Variants in ORC2 observed in about 807,000 individuals in gnomAD.
ORC2 encodes the protein origin recognition complex subunit 2.
A neutral mutation model predicts 77.7 loss-of-function variants in ORC2; 37 were observed. The ratio of observed to expected loss-of-function variants is 0.48; its 90% confidence interval spans 0.37 to 0.63. ORC2 has a LOEUF of 0.63. Among genes scored for constraint, ORC2 ranks in the 20% least tolerant of loss-of-function variants. The pLI is 0.00. For synonymous variants in ORC2, 201 were observed against 229.5 expected (o/e 0.88, Z 1.12); for missense variants, 557 against 661.9 (o/e 0.84, Z 1.74).
intron 11 of ORC2, among the ~76,000 whole-genome samples, chr2:200,929,620 T>G (rs1326857172): frequency 4.0e-5 from 6 of 151,508 alleles, no homozygotes; most frequent in Non-Finnish European, 7.4e-5. Flanking sequence ...TGAGACCTCA[T>G]CTCTACACAA....
intron 4 of ORC2, among the ~76,000 whole-genome samples, chr2:200,952,702 C>G (rs929473065): frequency 3.3e-5 from 5 of 151,752 alleles, no homozygotes; most frequent in Admixed American, 6.6e-5. Flanking sequence ...AACATGAAAG[C>G]CTACTACACT....
At chr2:200,942,397 TAA>T (rs2041171036) in intron 6 of ORC2, among the ~76,000 whole-genome samples, 1 of 152,222 alleles carries the variant, frequency 6.6e-6, no homozygotes, top group Non-Finnish European at 1.5e-5. Context: ...AAATCTTCTA[TAA>T]ATAATTGGCT....
chr2:200,963,248 C>A, intron 1 of ORC2: 1 of 394,374 alleles, frequency 2.5e-6, no homozygotes, highest in East Asian at 3.6e-5. Flanking sequence ...TGGCCTGCGC[C>A]TCCAGCCTCT....
chr2:200,957,957 A>T, intron 3 of ORC2, 73 bp downstream of exon 3: 1 of 962,648 alleles, frequency 1.0e-6, no homozygotes, highest in Non-Finnish European at 1.6e-6. Context: ...AGAAAATGTT[A>T]AAAGTTTTAA....
chr2:200,936,110 C>T (rs1170057072), intron 8 of ORC2, among the ~76,000 whole-genome samples: 2 of 152,216 alleles, frequency 1.3e-5, no homozygotes, highest in African/African-American at 2.4e-5. Flanking sequence ...AGGAAGATTA[C>T]ATTGAAATGT....
In ORC2 at chr2:200,927,621, C is replaced by A. The variant is rs926325684; in HGVS notation, c.918-721G>T. 3.4e-5 allele frequency among the ~76,000 whole-genome samples: 5 copies of A among 147,012 alleles called. No individual in the cohort carries two copies. In the East Asian group the frequency reaches 8.9e-4, roughly 26 times the overall value. ...AGGAGAATGGCGTGAACACGGAAGG[C>A]GGAGCTTGCAGTGAGCCGAGATCCC... On this transcript the variant is annotated intron_variant, in intron 11 of 17. Transcript: ENST00000234296.
At chr2:200,942,072 C>T (rs564094824) in intron 6 of ORC2, among the ~76,000 whole-genome samples, 4 of 151,594 alleles carry the variant, frequency 2.6e-5, no homozygotes, top group Admixed American at 2.0e-4. Flanking sequence ...CCCTGTTACA[C>T]GAGAGGCTGA....
At position 200,926,789 on chromosome 2, in the gene ORC2, A is replaced by G. The variant is rs972843732; in HGVS notation, c.1029T>C (p.Phe343=). 2 of 1,614,016 alleles carry G rather than the reference A, an allele frequency of 1.2e-6. No individual in the cohort carries two copies. Among genetic ancestry groups the G allele is most frequent in the Non-Finnish European group, 1.7e-6 (2 of 1,179,940 alleles). ...DSIHVVINGF[F]PGISVKSVLN... ...TTACTGATTTCACACTGATTCCAGG[A>G]AAGAAGCCATTGATGACAACGTGAA... The change falls in exon 12 of 18, where the codon TTT becomes TTC. Residue 343 remains phenylalanine, a synonymous_variant. Coordinates refer to ENST00000234296, the MANE Select transcript of ORC2 (RefSeq NM_006190.5).
intron 4 of ORC2, among the ~76,000 whole-genome samples, chr2:200,952,378 A>G (rs1293205879): frequency 7.9e-5 from 12 of 151,466 alleles, no homozygotes. Flanking sequence ...TCCTGCCTCC[A>G]CCTCCCGAGT....
chr2:200,962,680 T>C (rs1275623774), intron 1 of ORC2, among the ~76,000 whole-genome samples: 3 of 152,250 alleles, frequency 2.0e-5, no homozygotes, highest in South Asian at 2.1e-4. Flanking sequence ...TGCAGATCTC[T>C]TGTACATCTC....
intron 15 of ORC2, among the ~76,000 whole-genome samples, chr2:200,916,638 T>G (rs67358415): frequency 0.046 from 7,060 of 152,314 alleles, 225 homozygotes; most frequent in Non-Finnish European, 0.072. Flanking sequence ...GAATGAAGAC[T>G]TTGTCCCCAA....
intron 10 of ORC2, among the ~76,000 whole-genome samples, 156 bp from the exon 11 acceptor site, chr2:200,931,604 A>G (rs1290848187): frequency 6.6e-6 from 1 of 152,212 alleles, no homozygotes; most frequent in African/African-American, 2.4e-5. Flanking sequence ...ACCGATAAAC[A>G]AAATTCTTAA....
intron 5 of ORC2, among the ~76,000 whole-genome samples, chr2:200,944,341 T>C (rs907389286): frequency 6.6e-6 from 1 of 152,052 alleles, no homozygotes; most frequent in African/African-American, 2.4e-5. Flanking sequence ...GCCCACCTAA[T>C]TTTTTGTATT....
chr2:200,950,999 CTT>C (rs2041344691), intron 4 of ORC2, among the ~76,000 whole-genome samples: 1 of 152,152 alleles, frequency 6.6e-6, no homozygotes, highest in East Asian at 1.9e-4. Flanking sequence ...TCTTTACACT[CTT>C]TTTATGGTGT....
rs1450953535 is a variant in ORC2, at chr2:200,926,802, A to G, written c.1016T>C (p.Ile339Thr). ...ACTGATTCCAGGAAAGAAGCCATTG[A>G]TGACAACGTGAATGGAATCTTGCAG... Reference protein sequence around the residue: ...TMLQDSIHVVINGFFPGISVK... With the variant: ...TMLQDSIHVVTNGFFPGISVK... The change falls in exon 12 of 18, where the codon ATC becomes ACC. Residue 339 changes from isoleucine (I) to threonine (T), a missense_variant. Ile to Thr is a moderately conservative substitution (Grantham distance 89). Coordinates refer to ENST00000234296, the MANE Select transcript of ORC2 (RefSeq NM_006190.5). 6 of 1,613,922 alleles carry G rather than the reference A, an allele frequency of 3.7e-6. No homozygotes were observed. The highest frequency in any genetic ancestry group is 5.1e-6 in the Non-Finnish European group (6 of 1,179,956).
chr2:200,945,635 A>C (rs2041236824), intron 5 of ORC2, among the ~76,000 whole-genome samples: 1 of 152,086 alleles, frequency 6.6e-6, no homozygotes, highest in East Asian at 1.9e-4. Context: ...CTTTATATTC[A>C]TTATTCTATT....
intron 1 of ORC2, among the ~76,000 whole-genome samples, chr2:200,961,174 TTTTG>T (rs1402922947): frequency 6.6e-6 from 1 of 152,018 alleles, no homozygotes; most frequent in African/African-American, 2.4e-5. Context: ...GTTTTGGGTT[TTTTG>T]TTTTTGTGGG....
chr2:200,911,095 C>T lies in ORC2; in HGVS notation c.*206G>A. 1 of 432,612 alleles carries T rather than the reference C, an allele frequency of 2.3e-6. No homozygotes were observed. Among genetic ancestry groups the T allele is most frequent in the Non-Finnish European group, 4.2e-6 (1 of 239,460 alleles). 26.8% of individuals were successfully genotyped at this position (432,612 alleles called of 1,614,324 possible). ...TAATGAATGAAAGGCACATTTTCTC[C>T]AACTTGAGGACCGCTGCATAGTACT... On this transcript the variant is annotated 3_prime_UTR_variant, in exon 18 of 18. Coordinates refer to ENST00000234296, the MANE Select transcript of ORC2 (RefSeq NM_006190.5).
intron 4 of ORC2, among the ~76,000 whole-genome samples, chr2:200,954,128 G>A (rs2041418808): frequency 6.6e-6 from 1 of 151,744 alleles, no homozygotes; most frequent in Admixed American, 6.6e-5. Context: ...CATCTCCCGG[G>A]TTCAAGCGAT....
Sources: gnomAD v4.1 joint callset for allele counts (sites outside exome capture counted in the v4.1 genomes callset) on GRCh38, gnomAD v4.1.1 for gene constraint, MANE v1.5 for transcripts, NCBI Gene and HGNC (gene_info 2026-07-23, HGNC 2026-07-21) for gene names.